ARHGEF3: variants seen among roughly 807,000 people sequenced by gnomAD.
ARHGEF3 encodes Rho guanine nucleotide exchange factor 3, also known as 59.8 kDA protein.
A neutral mutation model predicts 63.2 loss-of-function variants in ARHGEF3; 28 were observed. The observed-to-expected ratio is 0.44, with a 90% confidence interval of 0.33 to 0.61. The LOEUF is 0.61. Among genes scored for constraint, ARHGEF3 ranks in the 20% least tolerant of loss-of-function variants. The probability of loss-of-function intolerance (pLI) is 0.03; values close to 1 mark genes in which losing one functional copy is unlikely to be tolerated. For missense variants in ARHGEF3, 533 were observed against 659.3 expected (o/e 0.81, Z 2.10); for synonymous variants, 266 against 254.2 (o/e 1.05, Z -0.44).
At chr3:56,789,020 ATGCTGCTGCTGCTGCTGCTGC>A (rs34620976) in intron 1 of ARHGEF3, among the ~76,000 whole-genome samples, 68 of 149,222 alleles carry the variant, frequency 4.6e-4, no homozygotes, top group Middle Eastern at 3.4e-3. Flanking sequence ...TTCAAGATAG[ATGCTGCTGCTGCTGCTGCTGC>A]TGCTGCTGCT....
intron 4 of ARHGEF3, among the ~76,000 whole-genome samples, chr3:56,817,605 T>C (rs1219586984): frequency 6.6e-6 from 1 of 152,248 alleles, no homozygotes; most frequent in African/African-American, 2.4e-5. Flanking sequence ...ATTTGCCTTA[T>C]GCCAGACCTG....
chr3:56,865,712 A>G (rs1376860817), intron 4 of ARHGEF3, among the ~76,000 whole-genome samples: 6 of 152,106 alleles, frequency 3.9e-5, no homozygotes, highest in African/African-American at 1.2e-4. Flanking sequence ...TTGAAATTCT[A>G]CCCTTAATGT....
At chr3:56,824,509 G>A (rs778329860) in intron 4 of ARHGEF3, among the ~76,000 whole-genome samples, 1 of 152,130 alleles carries the variant, frequency 6.6e-6, no homozygotes, top group Admixed American at 6.5e-5. Context: ...ACTGAGATTC[G>A]GTCAGGCTCT....
At chr3:57,050,007 T>C (rs1337813246) in intron 1 of ARHGEF3, among the ~76,000 whole-genome samples, 1 of 152,120 alleles carries the variant, frequency 6.6e-6, no homozygotes, top group Non-Finnish European at 1.5e-5. Context: ...TCAGCCCCTC[T>C]CCTCCTGAGG....
intron 6 of ARHGEF3, among the ~76,000 whole-genome samples, chr3:56,748,911 G>A (rs936969413): frequency 6.6e-6 from 1 of 151,966 alleles, no homozygotes; most frequent in Non-Finnish European, 1.5e-5. Flanking sequence ...TGTTTAAAAG[G>A]GTTCCCCCCC....
chr3:57,006,389 C>T (rs1268996688), intron 2 of ARHGEF3, among the ~76,000 whole-genome samples: 1 of 152,144 alleles, frequency 6.6e-6, no homozygotes, highest in Non-Finnish European at 1.5e-5. Flanking sequence ...TGGCTAATGG[C>T]TTCCCTCAAA....
intron 3 of ARHGEF3, among the ~76,000 whole-genome samples, chr3:56,904,371 G>A (rs2317440): frequency 0.15 from 22,720 of 152,056 alleles, 2,510 homozygotes; most frequent in East Asian, 0.5. Context: ...TCGCTATGTT[G>A]ACAGGATGGT....
intron 3 of ARHGEF3, chr3:56,940,642 T>C (rs566000264): frequency 1.1e-4 from 17 of 152,086 alleles, no homozygotes; most frequent in Non-Finnish European, 1.3e-4. Context: ...CAAGCAGGAC[T>C]AAGTGGAAAC....
chr3:56,882,626 C>T (rs1244810902), intron 3 of ARHGEF3, among the ~76,000 whole-genome samples: 1 of 149,496 alleles, frequency 6.7e-6, no homozygotes, highest in Non-Finnish European at 1.5e-5. Flanking sequence ...TCAAGCGATT[C>T]TCCTGCCTCA....
At chr3:56,865,653 T>C (rs532935296) in intron 4 of ARHGEF3, among the ~76,000 whole-genome samples, 12 of 152,210 alleles carry the variant, frequency 7.9e-5, no homozygotes, top group Non-Finnish European at 1.8e-4. Flanking sequence ...ATCTGTGAGC[T>C]TGGACATTGT....
chr3:56,798,386 A>G lies in ARHGEF3; in HGVS notation c.96+3317T>C, dbSNP rs548906502. Among the ~76,000 whole-genome samples the G allele has an allele frequency of 7.2e-5, 11 of 152,354 alleles. No individual in the cohort carries two copies. In the South Asian group the frequency reaches 2.3e-3, roughly 32 times the overall value. On this transcript the variant is annotated intron_variant, in intron 1 of 9. Coordinates refer to ENST00000296315, the MANE Select transcript of ARHGEF3 (RefSeq NM_019555.3). ...AAAGTAAGTTGTCCACCAAGTTGTC[A>G]GATATATTCTTACAAAAATAACAGA...
intron 3 of ARHGEF3, among the ~76,000 whole-genome samples, chr3:56,913,794 C>T (rs914437145): frequency 2.0e-5 from 3 of 152,150 alleles, no homozygotes; most frequent in Non-Finnish European, 4.4e-5. Flanking sequence ...TGGCTATCTA[C>T]CCAGAGGAAA....
intron 2 of ARHGEF3, chr3:56,977,277 A>T (rs1303615103): frequency 2.2e-6 from 1 of 456,586 alleles, no homozygotes; most frequent in African/African-American, 2.0e-5. Context: ...GCTACTTACC[A>T]AATATTTCTA....
chr3:57,072,707 C>T (rs1579223229), intron 1 of ARHGEF3, among the ~76,000 whole-genome samples: 1 of 115,452 alleles, frequency 8.7e-6, no homozygotes, highest in Non-Finnish European at 1.7e-5. Flanking sequence ...CCACCCTGGG[C>T]AACAGAACGA....
intron 3 of ARHGEF3, among the ~76,000 whole-genome samples, chr3:56,944,788 A>G (rs1369678512): frequency 6.6e-6 from 1 of 151,986 alleles, no homozygotes; most frequent in Non-Finnish European, 1.5e-5. Context: ...CATGCTGGCC[A>G]GGTTGGCCTT....
At chr3:56,923,450 C>G (rs2042203493) in intron 3 of ARHGEF3, among the ~76,000 whole-genome samples, 2 of 151,544 alleles carry the variant, frequency 1.3e-5, no homozygotes, top group South Asian at 4.2e-4. Context: ...ATCTGAAATC[C>G]AGAGTTTGAT....
At chr3:56,996,890 ATTTTTTTTTT>A (rs534187681) in intron 2 of ARHGEF3, among the ~76,000 whole-genome samples, 10 of 136,500 alleles carry the variant, frequency 7.3e-5, no homozygotes, top group South Asian at 2.3e-4. Flanking sequence ...TATTATTATT[ATTTTTTTTTT>A]TTTTTGCAAT....
intron 4 of ARHGEF3, among the ~76,000 whole-genome samples, chr3:56,876,942 G>A (rs2040604955): frequency 1.3e-5 from 2 of 152,238 alleles, no homozygotes; most frequent in Admixed American, 1.3e-4. Context: ...GACTGGTCAT[G>A]CAGTCGGAAG....
In ARHGEF3 at chr3:56,923,025, A is replaced by AATATAT. The variant is rs72294634; in HGVS notation, c.129+35792_129+35797dup. On this transcript the variant is annotated intron_variant, in intron 3 of 12. Coordinates refer to the ARHGEF3 transcript ENST00000338458. Reference sequence around the variant, plus strand: ...AAATGGCAAAACCCCATCTCTACTAAATATATATATATATATATATATATA... The same window carrying AATATAT: ...AAATGGCAAAACCCCATCTCTACTAAATATATATATATATATATATATATATATATA... Among the ~76,000 whole-genome samples the AATATAT allele has an allele frequency of 8.1e-3, 736 of 90,514 alleles. 12 individuals carry two copies. Among genetic ancestry groups the AATATAT allele is most frequent in the African/African-American group, 0.01 (209 of 20,588 alleles). 59.4% of individuals were successfully genotyped at this position (90,514 alleles called of 152,430 possible). A position where few individuals can be genotyped will look rare whatever the true frequency, so the allele number is the denominator to read the frequency against.
Sources: allele counts gnomAD v4.1 joint callset (sites outside exome capture counted in the v4.1 genomes callset), GRCh38; gene constraint gnomAD v4.1.1; transcripts MANE v1.5; gene names NCBI Gene and HGNC (gene_info 2026-07-23, HGNC 2026-07-21).